The following CLIC5 variants were observed in gnomAD, a reference collection of about 807,000 sequenced individuals.
CLIC5 encodes chloride intracellular channel protein 5.
CLIC5 carries 20 observed loss-of-function variants against 24.7 expected under a neutral mutation model. The ratio of observed to expected loss-of-function variants is 0.81; its 90% CI spans 0.57 to 1.18. The LOEUF (loss-of-function observed/expected upper bound fraction) is 1.18. Ranked by LOEUF, CLIC5 falls within the 50% of genes most tolerant of loss-of-function variation. The pLI is 0.00. For synonymous variants in CLIC5, 159 were observed against 135.6 expected (o/e 1.17, Z -1.20); for missense variants, 341 against 326.1 (o/e 1.05, Z -0.35).
chr6:46,096,970 T>A, the CLIC5 span: 1 of 152,238 alleles, frequency 6.6e-6, no homozygotes, highest in African/African-American at 2.4e-5. Flanking sequence ...CCTAGGGGGA[T>A]GGGATATTCT....
intron 4 of CLIC5, chr6:45,920,651 T>C: frequency 2.1e-6 from 2 of 971,268 alleles, no homozygotes; most frequent in Non-Finnish European, 2.4e-6. Context: ...CACCACTTAC[T>C]CATCTGTTGG....
chr6:45,930,766 C>CTG (rs1763705869), intron 4 of CLIC5, among the ~76,000 whole-genome samples: 1 of 152,212 alleles, frequency 6.6e-6, no homozygotes, highest in Admixed American at 6.5e-5. Flanking sequence ...TTGGTGCCTA[C>CTG]TGTGTGCCAG....
chr6:46,098,965 G>C, the CLIC5 span, among the ~76,000 whole-genome samples: 5 of 152,238 alleles, frequency 3.3e-5, no homozygotes, highest in African/African-American at 1.2e-4. Flanking sequence ...CAGGTGTGGG[G>C]AACCAGCACT....
chr6:45,996,856 A>G (rs1439821430), intron 1 of CLIC5, among the ~76,000 whole-genome samples: 1 of 151,808 alleles, frequency 6.6e-6, no homozygotes, highest in Non-Finnish European at 1.5e-5. Flanking sequence ...AGGAAACAAC[A>G]GGTGCTGGAG....
chr6:46,104,713 T>G, the CLIC5 span, among the ~76,000 whole-genome samples: 5 of 151,026 alleles, frequency 3.3e-5, no homozygotes. Context: ...TCTAAATAAT[T>G]GACTTCTTTG....
chr6:46,050,292 T>C (rs909342384), intron 1 of CLIC5, among the ~76,000 whole-genome samples: 1 of 152,234 alleles, frequency 6.6e-6, no homozygotes, highest in Non-Finnish European at 1.5e-5. Flanking sequence ...CTGACGCTGT[T>C]GATGCCCTGC....
intron 1 of CLIC5, among the ~76,000 whole-genome samples, chr6:45,968,486 T>G (rs3777595): frequency 0.21 from 32,339 of 151,766 alleles, 4,196 homozygotes; most frequent in South Asian, 0.33. Context: ...TTTTTATCTA[T>G]TATCTCCTAT....
intron 1 of CLIC5, among the ~76,000 whole-genome samples, chr6:46,040,964 C>G (rs1210451661): frequency 5.3e-5 from 8 of 152,138 alleles, no homozygotes; most frequent in Admixed American, 3.9e-4. Context: ...AAAAAAATCC[C>G]CCAAATTAAA....
At chr6:45,918,750 T>C (rs772525852) in intron 4 of CLIC5, among the ~76,000 whole-genome samples, 1 of 152,256 alleles carries the variant, frequency 6.6e-6, no homozygotes, top group African/African-American at 2.4e-5. Flanking sequence ...CCCTCTGCCC[T>C]ATCTTGTTCC....
rs1361442044 is a variant in CLIC5, at chr6:45,908,632, G to T, written c.589-5377C>A. On this transcript the variant is annotated intron_variant, in intron 5 of 5. Coordinates refer to ENST00000339561, the MANE Select transcript of CLIC5 (RefSeq NM_016929.5). ...CTATTTTTGTTCCACTGTGGTCCAA[G>T]AGTATGATTGATATAATTTCTATTT... Among the ~76,000 whole-genome samples the T allele has an allele frequency of 2.6e-5, 4 of 152,204 alleles. No homozygotes were observed. In the East Asian group the frequency reaches 7.7e-4, roughly 29 times the overall value.
chr6:46,124,489 G>A, the CLIC5 span, among the ~76,000 whole-genome samples: 6 of 152,150 alleles, frequency 3.9e-5, no homozygotes, highest in Non-Finnish European at 5.9e-5. Flanking sequence ...GAAAACCTAG[G>A]CAATACCATT....
At chr6:46,099,668 C>T in the CLIC5 span, among the ~76,000 whole-genome samples, 1 of 152,062 alleles carries the variant, frequency 6.6e-6, no homozygotes, top group Admixed American at 6.6e-5. Flanking sequence ...TCTTTAAACC[C>T]AGAAAAAGTA....
At chr6:45,908,437 C>T (rs1261131400) in intron 5 of CLIC5, among the ~76,000 whole-genome samples, 2 of 152,020 alleles carry the variant, frequency 1.3e-5, no homozygotes, top group African/African-American at 4.8e-5. Context: ...TGTAATATTG[C>T]TTTTGCTACA....
intron 4 of CLIC5, among the ~76,000 whole-genome samples, chr6:45,922,121 G>T (rs953235596): frequency 6.6e-6 from 1 of 152,208 alleles, no homozygotes; most frequent in Non-Finnish European, 1.5e-5. Context: ...TGTGCAGCAC[G>T]TGGTGCCATG....
intron 1 of CLIC5, among the ~76,000 whole-genome samples, chr6:46,031,925 C>T (rs1216092509): frequency 1.5e-5 from 2 of 132,940 alleles, no homozygotes; most frequent in Non-Finnish European, 3.3e-5. Flanking sequence ...ATGTACACAA[C>T]ATATATATAT....
chr6:46,029,139 T>C (rs921316161), intron 1 of CLIC5, among the ~76,000 whole-genome samples: 2 of 152,056 alleles, frequency 1.3e-5, no homozygotes, highest in African/African-American at 2.4e-5. Context: ...TTTCATGGAG[T>C]CTGTTCTTTC....
At chr6:46,012,824 C>G (rs529183328) in intron 1 of CLIC5, among the ~76,000 whole-genome samples, 1 of 152,206 alleles carries the variant, frequency 6.6e-6, no homozygotes, top group East Asian at 1.9e-4. Context: ...GCTCTGACAG[C>G]GAGTCTCATA....
At position 45,980,347 on chromosome 6, in the gene CLIC5, G is replaced by A. The variant is rs548737421; in HGVS notation, c.64-25103C>T. On this transcript the variant is annotated intron_variant, in intron 1 of 5. Transcript: ENST00000339561. Reference sequence around the variant, plus strand: ...ATACTGCATGTTCTTACTTATAAGTGGGAACTAAACATTGAATACACATGG... The same window carrying A: ...ATACTGCATGTTCTTACTTATAAGTAGGAACTAAACATTGAATACACATGG... Among the ~76,000 whole-genome samples the A allele has an allele frequency of 3.9e-5, 6 of 152,150 alleles. No homozygotes were observed. In the East Asian group the frequency reaches 1.2e-3, roughly 29 times the overall value.
At chr6:45,977,648 C>G (rs1239386453) in intron 1 of CLIC5, among the ~76,000 whole-genome samples, 1 of 152,100 alleles carries the variant, frequency 6.6e-6, no homozygotes, top group African/African-American at 2.4e-5. Flanking sequence ...TGCCTCCCCT[C>G]CCCTCTAGGC....
Sources: allele counts gnomAD v4.1 joint callset (sites outside exome capture counted in the v4.1 genomes callset), GRCh38; gene constraint gnomAD v4.1.1; transcripts MANE v1.5; gene names NCBI Gene and HGNC (gene_info 2026-07-23, HGNC 2026-07-21).